The following ZNF800 variants were observed in gnomAD, a reference collection of about 807,000 sequenced individuals.
The protein encoded by ZNF800 is zinc finger protein 800.
In ZNF800, 13 loss-of-function variants were observed where a neutral mutation model predicts 59.5. The observed-to-expected ratio is 0.22, with a 90% CI of 0.14 to 0.35. ZNF800 has a LOEUF of 0.35. Ranked by LOEUF, ZNF800 falls within the 10% of genes least tolerant of loss-of-function variation. ZNF800 has a pLI of 1.00. For synonymous variants in ZNF800, 266 were observed against 265.7 expected (o/e 1.00, Z -0.01); for missense variants, 621 against 783.7 (o/e 0.79, Z 2.48).
Position 127,377,328 on chromosome 7 carries a change from T to A in ZNF800, c.159A>T (p.Gly53=), listed in dbSNP as rs773113781. Residue 53 remains glycine (G), a splice_region_variant and synonymous_variant, in exon 4 of 6, where the codon GGA becomes GGT. Coordinates refer to ENST00000265827, the MANE Select transcript of ZNF800 (RefSeq NM_176814.5). This position sits in a 1 kb window ranked among gnomAD's most constrained non-coding sequence, Gnocchi z 4.7. ...IQQIIECFRS[G]TKQLKHILLK... is the part of the protein sequence containing the mutation. ...ATAAAATATGCTTAAGTTGTTTAGT[T>A]CCTGAGAGAAAAAAGAAAAGAAAAA... The A allele has an allele frequency of 1.3e-6, 2 of 1,588,034 alleles. No homozygotes were observed. The highest frequency in any genetic ancestry group is 3.7e-5 in the Admixed American group (2 of 54,712).
At chr7:127,386,009 GT>G in intron 3 of ZNF800, 50 bp downstream of exon 3, 1 of 1,285,446 alleles carries the variant, frequency 7.8e-7, no homozygotes, top group Non-Finnish European at 1.1e-6. Context: ...CTTCTAGGTA[GT>G]TTTTAACTAC....
At chr7:127,382,809 A>G (rs1002963851) in intron 3 of ZNF800, among the ~76,000 whole-genome samples, 5 of 152,364 alleles carry the variant, frequency 3.3e-5, no homozygotes, top group Non-Finnish European at 5.9e-5. Context: ...ATATGTTTGT[A>G]TATGTATAAA....
At chr7:127,347,880 G>A (rs969380447) in exon 2 of ZNF800, 1 of 150,574 alleles carries the variant, frequency 6.6e-6, no homozygotes, top group Non-Finnish European at 1.5e-5. Context: ...GGCTTCCCCA[G>A]GCCCCGGGCA....
downstream of ZNF800, among the ~76,000 whole-genome samples, chr7:127,345,294 G>T (rs1329973045): frequency 7.6e-6 from 1 of 132,364 alleles, no homozygotes; most frequent in East Asian, 2.0e-4. Context: ...ATGGGAAATA[G>T]ACCCCCCCCC....
chr7:127,360,050 A>C (rs1800365670), intron 1 of ZNF800: 1 of 152,158 alleles, frequency 6.6e-6, no homozygotes, highest in Non-Finnish European at 1.5e-5. Flanking sequence ...CTCAGGTCAC[A>C]CCCAGAGCTC....
At chr7:127,364,663 G>A (rs1181275616) in intron 1 of ZNF800, 1 of 152,126 alleles carries the variant, frequency 6.6e-6, no homozygotes, top group Admixed American at 6.6e-5. Flanking sequence ...AGAAGCTGGG[G>A]AGGGGTAAAG....
At chr7:127,369,722 T>C (rs1029865491), downstream of ZNF800, among the ~76,000 whole-genome samples, 1 of 152,082 alleles carries the variant, frequency 6.6e-6, no homozygotes, top group Admixed American at 6.6e-5. Context: ...ATTTATTTCC[T>C]CCTCTAGATT....
chr7:127,362,182 AC>A (rs1448567437), intron 1 of ZNF800: 1 of 152,238 alleles, frequency 6.6e-6, no homozygotes, highest in East Asian at 1.9e-4. Flanking sequence ...TAATATTTAG[AC>A]CAGGAAAAAA....
intron 2 of ZNF800, among the ~76,000 whole-genome samples, chr7:127,389,606 T>C (rs1427925196): frequency 6.6e-6 from 1 of 152,192 alleles, no homozygotes; most frequent in African/African-American, 2.4e-5. Context: ...TCCTCTGAAA[T>C]AATGACAATG....
Position 127,372,066 on chromosome 7 carries a change from A to C in ZNF800, c.*-252T>G, listed in dbSNP as rs112061772. Among the ~76,000 whole-genome samples the C allele has an allele frequency of 5.1e-3, 774 of 152,364 alleles. 8 individuals carry two copies. The highest frequency in any genetic ancestry group is 0.018 in the African/African-American group (741 of 41,578). On this transcript the variant is annotated intron_variant, in intron 5 of 5. Transcript: ENST00000265827. ...CATTAAATGCCTTAATACAGGGGAC[A>C]CAGGTATAGAAGGTGAACTTTTAAA...
At chr7:127,368,234 A>G (rs58359282), downstream of ZNF800, among the ~76,000 whole-genome samples, 75 of 152,302 alleles carry the variant, frequency 4.9e-4, no homozygotes, top group African/African-American at 1.7e-3. Context: ...AAATAATTGT[A>G]GGTTTTAAGT....
At chr7:127,356,567 G>GAA (rs71179572) in intron 1 of ZNF800, among the ~76,000 whole-genome samples, 4 of 147,482 alleles carry the variant, frequency 2.7e-5, no homozygotes, top group African/African-American at 9.9e-5. Context: ...GGCTTGCCAG[G>GAA]AAAAAAAAAA....
At chr7:127,384,648 T>C (rs1333975769) in intron 3 of ZNF800, among the ~76,000 whole-genome samples, 1 of 152,056 alleles carries the variant, frequency 6.6e-6, no homozygotes, top group African/African-American at 2.4e-5. Flanking sequence ...TTACTAAATA[T>C]GAAAAGCTAT....
Position 127,374,547 on chromosome 7 carries a change from G to A in ZNF800, c.789C>T (p.Tyr263=). 6.2e-7 allele frequency: 1 copy of A among 1,614,134 alleles called. No homozygotes were observed. Among genetic ancestry groups the A allele is most frequent in the South Asian group, 1.1e-5 (1 of 91,084 alleles). ...GGTTTGGATTCTTTCGTGTTTCAAT[G>A]TACTTTTTTAGTTCTTCCATCTTTT... ...HKKKMEELKK[Y]IETRKNPNQS... is the part of the protein sequence containing the mutation. The change falls in exon 5 of 6, where the codon TAC becomes TAT. Residue 263 remains tyrosine, a synonymous_variant. Transcript: ENST00000265827.
In ZNF800 at chr7:127,377,990, T is replaced by C. The variant is rs1800834781; in HGVS notation, c.158-661A>G. Among the ~76,000 whole-genome samples the C allele has an allele frequency of 6.6e-6, 1 of 152,072 alleles. No homozygotes were observed. Among genetic ancestry groups the C allele is most frequent in the Admixed American group, 6.5e-5 (1 of 15,268 alleles). ...TAATTTTGAACTATGCTTACGCCTCTTGACAGCACTATAAATTTATTCAAA... is the reference window on the plus strand; with the variant it reads ...TAATTTTGAACTATGCTTACGCCTCCTGACAGCACTATAAATTTATTCAAA... On this transcript the variant is annotated intron_variant, in intron 3 of 5. Transcript: ENST00000265827. This position sits in a 1 kb window ranked among gnomAD's most constrained non-coding sequence, Gnocchi z 4.7.
chr7:127,346,029 A>C (rs1310096057), downstream of ZNF800, among the ~76,000 whole-genome samples: 1 of 151,948 alleles, frequency 6.6e-6, no homozygotes, highest in Non-Finnish European at 1.5e-5. Context: ...AAAGGGGAAA[A>C]CCTAAGGAAG....
chr7:127,374,173 C>G lies in ZNF800; in HGVS notation c.1163G>C (p.Gly388Ala), dbSNP rs575180924. ...MQIVHKITLS[G>A]TNSKREKGPN... ...GCCTTTTTCTCTTTTAGAGTTTGTT[C>G]CAGAAAGAGTTATCTTGTGGACAAT... Residue 388 changes from glycine to alanine, a missense_variant, in exon 5 of 6, where the codon GGA (glycine) becomes GCA (alanine). By Grantham distance (60) the Gly-to-Ala change is moderately conservative (BLOSUM62 0). Around this residue, in one of 7 missense-constraint regions of ZNF800, gnomAD observed 185 missense variants for 177.6 expected, o/e 1.04. Coordinates refer to ENST00000265827, the MANE Select transcript of ZNF800 (RefSeq NM_176814.5). The G allele has an allele frequency of 2.8e-4, 446 of 1,613,702 alleles. 7 individuals are homozygous for G. The South Asian group carries it at 4.6e-3, about 17-fold the overall frequency.
intron 1 of ZNF800, among the ~76,000 whole-genome samples, chr7:127,354,402 C>G (rs912794464): frequency 6.6e-6 from 1 of 151,876 alleles, no homozygotes; most frequent in South Asian, 2.1e-4. Context: ...TAATAATAGG[C>G]AGTATAGCAA....
At position 127,391,609 on chromosome 7, in the gene ZNF800, G is replaced by A; in HGVS notation, c.-52C>T. 2 of 1,560,366 alleles carry A rather than the reference G, an allele frequency of 1.3e-6. No homozygotes were observed. The highest frequency in any genetic ancestry group is 1.8e-6 in the Non-Finnish European group (2 of 1,131,516). ...TTCACTGTAAGAAGCTCTTCATTGC[G>A]GCGTGGCTGTTGAAAGAAGCACAAA... On this transcript the variant is annotated 5_prime_UTR_variant, in exon 2 of 6. Coordinates refer to ENST00000265827, the MANE Select transcript of ZNF800 (RefSeq NM_176814.5).
Sources: gnomAD v4.1 joint callset for allele counts (sites outside exome capture counted in the v4.1 genomes callset) on GRCh38, gnomAD v4.1.1 for gene constraint, gnomAD v4.1.1 regional missense constraint, Gnocchi (gnomAD v3.1) non-coding constraint, MANE v1.5 for transcripts, NCBI Gene and HGNC (gene_info 2026-07-23, HGNC 2026-07-21) for gene names.